Variants in TBC1D5 observed in about 807,000 individuals in gnomAD.
TBC1D5 encodes the protein TBC1 domain family, member 5.
TBC1D5 carries 75 observed loss-of-function variants against 100.3 expected under a neutral mutation model. That is an observed-to-expected ratio of 0.75 (90% CI 0.62 to 0.91). The LOEUF (loss-of-function observed/expected upper bound fraction) is 0.91. Ranked by LOEUF, TBC1D5 falls within the 40% of genes least tolerant of loss-of-function variation. TBC1D5 has a pLI of 0.00. For missense variants in TBC1D5, 910 were observed against 942.4 expected, an observed-to-expected ratio of 0.97 and a Z score of 0.45; for synonymous variants, 323 against 325.6, an observed-to-expected ratio of 0.99 and a Z score of 0.09.
chr3:17,222,166 T>G (rs1007414765), intron 17 of TBC1D5, among the ~76,000 whole-genome samples: 2 of 152,206 alleles, frequency 1.3e-5, no homozygotes, highest in Middle Eastern at 3.2e-3. Context: ...TGTATTCTGA[T>G]GTTCACTTTC....
At chr3:17,327,819 T>C (rs1174900300) in intron 13 of TBC1D5, among the ~76,000 whole-genome samples, 2 of 152,138 alleles carry the variant, frequency 1.3e-5, no homozygotes, top group Non-Finnish European at 2.9e-5. Context: ...TTGCTGTATG[T>C]GGTTTTTTTT....
At chr3:17,474,083 TAA>T (rs2095410988) in intron 3 of TBC1D5, among the ~76,000 whole-genome samples, 2 of 152,106 alleles carry the variant, frequency 1.3e-5, no homozygotes, top group South Asian at 4.1e-4. Flanking sequence ...TAAACTGACA[TAA>T]AATTAAGAGA....
At chr3:17,555,947 A>T (rs2096515514) in intron 2 of TBC1D5, among the ~76,000 whole-genome samples, 1 of 152,174 alleles carries the variant, frequency 6.6e-6, no homozygotes, top group Non-Finnish European at 1.5e-5. Flanking sequence ...CAACAAGAGG[A>T]TCCATTCAGT....
intron 1 of TBC1D5, chr3:17,706,205 G>C (rs571902321): frequency 2.6e-6 from 4 of 1,551,486 alleles, no homozygotes; most frequent in African/African-American, 1.4e-5. Flanking sequence ...CCGGCATCGC[G>C]GCGAGGCCCA....
intron 19 of TBC1D5, among the ~76,000 whole-genome samples, chr3:17,179,649 T>G (rs1468781632): frequency 6.6e-6 from 1 of 152,232 alleles, no homozygotes; most frequent in Non-Finnish European, 1.5e-5. Flanking sequence ...CTTCCTCATC[T>G]GCAAATAAAG....
chr3:17,632,702 C>G (rs2063596417), intron 1 of TBC1D5, among the ~76,000 whole-genome samples: 1 of 152,210 alleles, frequency 6.6e-6, no homozygotes, highest in Non-Finnish European at 1.5e-5. Flanking sequence ...AAGATTACAA[C>G]TCACTAAAGG....
chr3:17,417,351 C>G (rs2094106965), intron 4 of TBC1D5, among the ~76,000 whole-genome samples: 1 of 144,704 alleles, frequency 6.9e-6, no homozygotes. Flanking sequence ...CTCCCCCTAC[C>G]CCACAACAGT....
chr3:17,212,467 TATC>T (rs1363455667), intron 18 of TBC1D5, among the ~76,000 whole-genome samples: 7 of 152,310 alleles, frequency 4.6e-5, no homozygotes, highest in Middle Eastern at 3.4e-3. Context: ...TTATACTTTT[TATC>T]ATTATTTTAT....
intron 1 of TBC1D5, among the ~76,000 whole-genome samples, chr3:17,696,521 A>G (rs1258185287): frequency 6.6e-6 from 1 of 152,230 alleles, no homozygotes; most frequent in Admixed American, 6.5e-5. Context: ...GAATTCCTGG[A>G]TACATACAAG....
At chr3:17,301,573 C>T (rs887529834) in intron 14 of TBC1D5, among the ~76,000 whole-genome samples, 1 of 152,096 alleles carries the variant, frequency 6.6e-6, no homozygotes, top group Non-Finnish European at 1.5e-5. Flanking sequence ...GTTCTGGTAC[C>T]AAGGAAGCTC....
chr3:17,239,927 T>G (rs1378200823), intron 16 of TBC1D5, among the ~76,000 whole-genome samples: 4 of 152,180 alleles, frequency 2.6e-5, no homozygotes, highest in Non-Finnish European at 5.9e-5. Flanking sequence ...AGAAATGAAA[T>G]AGCTCACATT....
intron 1 of TBC1D5, among the ~76,000 whole-genome samples, chr3:17,669,862 T>C (rs2067730310): frequency 1.3e-5 from 2 of 152,164 alleles, no homozygotes; most frequent in Admixed American, 6.5e-5. Flanking sequence ...TCTTTAACCG[T>C]CCTCTCGACT....
intron 17 of TBC1D5, among the ~76,000 whole-genome samples, chr3:17,227,408 G>A (rs1013525414): frequency 2.0e-5 from 3 of 152,132 alleles, no homozygotes; most frequent in Non-Finnish European, 4.4e-5. Context: ...TCAACAGAGT[G>A]CTTTCTAAAA....
chr3:17,472,967 C>CTT (rs2095396507), intron 3 of TBC1D5, among the ~76,000 whole-genome samples: 4 of 152,184 alleles, frequency 2.6e-5, no homozygotes, highest in Admixed American at 2.6e-4. Flanking sequence ...TTAGTTGAAC[C>CTT]ATGCAATCCT....
At chr3:17,403,501 C>T (rs183204021) in intron 7 of TBC1D5, among the ~76,000 whole-genome samples, 2 of 151,972 alleles carry the variant, frequency 1.3e-5, no homozygotes, top group East Asian at 3.9e-4. Flanking sequence ...GCAGGTTCCA[C>T]AACAAAAATC....
At chr3:17,171,859 C>A (rs1353875031) in intron 19 of TBC1D5, among the ~76,000 whole-genome samples, 1 of 152,174 alleles carries the variant, frequency 6.6e-6, no homozygotes, top group Non-Finnish European at 1.5e-5. Context: ...CAATAAAAGA[C>A]AATGCAACCT....
intron 2 of TBC1D5, among the ~76,000 whole-genome samples, chr3:17,575,002 T>C (rs2096649010): frequency 6.6e-6 from 1 of 152,054 alleles, no homozygotes; most frequent in Non-Finnish European, 1.5e-5. Flanking sequence ...GGTTGTTCCA[T>C]ATTTCTCATA....
exon 22 of TBC1D5, chr3:17,159,297 T>A (rs1295147717): frequency 6.6e-6 from 1 of 152,200 alleles, no homozygotes; most frequent in Admixed American, 6.5e-5. Flanking sequence ...TGAGAGTGAG[T>A]CACCATTTTC....
intron 3 of TBC1D5, among the ~76,000 whole-genome samples, chr3:17,492,167 C>G (rs2095647427): frequency 6.6e-6 from 1 of 152,006 alleles, no homozygotes; most frequent in African/African-American, 2.4e-5. Flanking sequence ...TTTATTGTCT[C>G]TGTTTTCTTC....
Sources: gnomAD v4.1 joint callset for allele counts (sites outside exome capture counted in the v4.1 genomes callset) on GRCh38, gnomAD v4.1.1 for gene constraint, MANE v1.5 for transcripts, NCBI Gene and HGNC (gene_info 2026-07-23, HGNC 2026-07-21) for gene names.